The following MYSM1 variants were observed in gnomAD, a reference collection of about 807,000 sequenced individuals.
MYSM1 encodes deubiquitinase MYSM1.
Under a neutral mutation model 116.0 loss-of-function variants are expected in MYSM1, and 51 were observed. That is an observed-to-expected ratio of 0.44 (90% CI 0.35 to 0.56). MYSM1 has a LOEUF of 0.56. Ranked by LOEUF, MYSM1 falls within the 20% of genes least tolerant of loss-of-function variation. The pLI is 0.00. For missense variants in MYSM1, 900 were observed against 974.9 expected (o/e 0.92, Z 1.02); for synonymous variants, 313 against 315.2 (o/e 0.99, Z 0.07).
chr1:58,676,180 AG>A (rs1304720488), intron 9 of MYSM1, among the ~76,000 whole-genome samples: 1 of 152,130 alleles, frequency 6.6e-6, no homozygotes, highest in African/African-American at 2.4e-5. Context: ...GCACTTTAGG[AG>A]GCTGAGGCGG....
At chr1:58,691,008 G>C (rs1433404709) in intron 3 of MYSM1, among the ~76,000 whole-genome samples, 1 of 152,068 alleles carries the variant, frequency 6.6e-6, no homozygotes, top group Non-Finnish European at 1.5e-5. Context: ...GGCCAGGCGC[G>C]GTGGCTCACA....
At chr1:58,665,900 T>TA (rs975876732) in intron 16 of MYSM1, among the ~76,000 whole-genome samples, 12 of 151,886 alleles carry the variant, frequency 7.9e-5, no homozygotes, top group South Asian at 2.1e-4. Flanking sequence ...CTACCAAAAA[T>TA]AAAAAAATTA....
At position 58,657,809 on chromosome 1, in the gene MYSM1, A is replaced by G. The variant is rs916723532; in HGVS notation, c.*2188T>C. On this transcript the variant is annotated 3_prime_UTR_variant, in exon 20 of 20. Coordinates refer to ENST00000472487, the MANE Select transcript of MYSM1 (RefSeq NM_001085487.3). ...AGGCCCCAAACTCTTGACAAGTATC[A>G]TCCTTGAGATCCTCGCAATATGGCT... The G allele has an allele frequency of 6.6e-6, 1 of 152,174 alleles. No homozygotes were observed. The highest frequency in any genetic ancestry group is 1.5e-5 in the Non-Finnish European group (1 of 68,028). 9.4% of individuals were successfully genotyped at this position (152,174 alleles called of 1,614,324 possible).
At chr1:58,672,880 AT>A (rs1157907127) in intron 11 of MYSM1, among the ~76,000 whole-genome samples, 2 of 152,198 alleles carry the variant, frequency 1.3e-5, no homozygotes, top group African/African-American at 4.8e-5. Context: ...GGAAGGATGA[AT>A]TACTAATTAC....
intron 11 of MYSM1, among the ~76,000 whole-genome samples, 187 bp downstream of exon 11, chr1:58,673,386 C>T (rs2100621089): frequency 6.6e-6 from 1 of 152,254 alleles, no homozygotes; most frequent in East Asian, 1.9e-4. Flanking sequence ...AGTTAAACTC[C>T]TAGTTAACTG....
chr1:58,691,965 G>T (rs1366153443), intron 3 of MYSM1, among the ~76,000 whole-genome samples: 5 of 152,168 alleles, frequency 3.3e-5, no homozygotes, highest in African/African-American at 9.6e-5. Flanking sequence ...ATGTTAAAAT[G>T]AGAATATTTT....
rs1644359285 is a variant in MYSM1, at chr1:58,659,259, A to C, written c.*738T>G. On this transcript the variant is annotated 3_prime_UTR_variant, in exon 20 of 20. Coordinates refer to ENST00000472487, the MANE Select transcript of MYSM1 (RefSeq NM_001085487.3). Reference sequence around the variant, plus strand: ...AGTTATGATTACCTATGTTCCAGTTAAATGAGGTTTTATCACACCTACTAA... The same window carrying C: ...AGTTATGATTACCTATGTTCCAGTTCAATGAGGTTTTATCACACCTACTAA... 6.6e-6 allele frequency: 1 copy of C among 152,200 alleles called. No individual in the cohort carries two copies. 9.4% of individuals were successfully genotyped at this position (152,200 alleles called of 1,614,324 possible). A position where few individuals can be genotyped will look rare whatever the true frequency, so the allele number is the denominator to read the frequency against.
At chr1:58,680,556 C>T (rs981941468) in intron 8 of MYSM1, among the ~76,000 whole-genome samples, 3 of 152,174 alleles carry the variant, frequency 2.0e-5, no homozygotes, top group Non-Finnish European at 2.9e-5. Flanking sequence ...TTTAAGAATA[C>T]AGCCATCTTT....
chr1:58,688,793 C>A (rs1644864255), intron 6 of MYSM1, among the ~76,000 whole-genome samples: 1 of 151,954 alleles, frequency 6.6e-6, no homozygotes, highest in African/African-American at 2.4e-5. Context: ...TTTGATAATA[C>A]CACAAGAACG....
chr1:58,690,680 A>AT lies in MYSM1; in HGVS notation c.219-264dup, dbSNP rs35937590. 9.2e-3 allele frequency among the ~76,000 whole-genome samples: 1,263 copies of AT among 137,812 alleles called. 17 individuals are homozygous for AT. The highest frequency in any genetic ancestry group is 0.026 in the African/African-American group (986 of 37,350). 90.4% of individuals were successfully genotyped at this position (137,812 alleles called of 152,430 possible). A position where few individuals can be genotyped will look rare whatever the true frequency, so the allele number is the denominator to read the frequency against. ...TAAAACACCATGAGATTATTTTGTG[A>AT]TTTTTTTTTTTTTTTTTGGCTCATC... On this transcript the variant is annotated intron_variant, in intron 3 of 19. Coordinates refer to ENST00000472487, the MANE Select transcript of MYSM1 (RefSeq NM_001085487.3).
rs1644307146 is a variant in MYSM1, at chr1:58,655,454, C to T, written c.*4543G>A. 1 of 145,986 alleles carries T rather than the reference C, an allele frequency of 6.8e-6. No individual in the cohort carries two copies. The highest frequency in any genetic ancestry group is 2.6e-5 in the African/African-American group (1 of 37,974). The allele number at this position is 145,986 out of a possible 1,614,324, so 9.0% of individuals were successfully genotyped here. ...TTTAGAGCTCTTGGCATAATCACAG[C>T]TCCCCTGGGATATTTTTATTTTTTC... On this transcript the variant is annotated 3_prime_UTR_variant, in exon 20 of 20. Transcript: ENST00000472487.
chr1:58,663,832 CTTAA>C (rs1370217352), intron 17 of MYSM1, among the ~76,000 whole-genome samples: 1 of 152,188 alleles, frequency 6.6e-6, no homozygotes, highest in East Asian at 1.9e-4. Context: ...TCTCCATCAC[CTTAA>C]TTGAGTCGGC....
chr1:58,698,102 A>ATTTTTTTTTTTTTTT lies in MYSM1; in HGVS notation c.68+1868_68+1882dup, dbSNP rs1553140002. Among the ~76,000 whole-genome samples, 20 of 7,768 alleles carry ATTTTTTTTTTTTTTT rather than the reference A, an allele frequency of 2.6e-3. 1 individual carries two copies. Among genetic ancestry groups the ATTTTTTTTTTTTTTT allele is most frequent in the African/African-American group, 4.9e-3 (19 of 3,892 alleles). The allele number at this position is 7,768 out of a possible 152,430, so 5.1% of individuals were successfully genotyped here. A position where few individuals can be genotyped will look rare whatever the true frequency, so the allele number is the denominator to read the frequency against. ...TATCAGACTATATATATATATATATATTTTTTTTTTTTTTTTGAGACAGAG... is the reference window on the plus strand; with the variant it reads ...TATCAGACTATATATATATATATATATTTTTTTTTTTTTTTTTTTTTTTTTTTTTTTGAGACAGAG... On this transcript the variant is annotated intron_variant, in intron 1 of 19. Coordinates refer to ENST00000472487, the MANE Select transcript of MYSM1 (RefSeq NM_001085487.3).
intron 1 of MYSM1, among the ~76,000 whole-genome samples, chr1:58,697,777 C>T (rs1258737690): frequency 6.6e-6 from 1 of 151,038 alleles, no homozygotes; most frequent in Non-Finnish European, 1.5e-5. Flanking sequence ...TTAGTAGAGA[C>T]GGGGTTTCTC....
chr1:58,665,929 T>TG (rs1412478693), intron 16 of MYSM1, among the ~76,000 whole-genome samples: 1 of 152,012 alleles, frequency 6.6e-6, no homozygotes, highest in Non-Finnish European at 1.5e-5. Context: ...TAGTGGCACG[T>TG]GCCTGTAACC....
chr1:58,675,439 G>T, intron 10 of MYSM1, 38 bp downstream of exon 10: 2 of 1,442,298 alleles, frequency 1.4e-6, no homozygotes, highest in Non-Finnish European at 1.9e-6. Context: ...AGAGTAAGCA[G>T]CAATGTGGAG....
chr1:58,672,881 T>G (rs948318211), intron 11 of MYSM1, among the ~76,000 whole-genome samples: 6 of 152,166 alleles, frequency 3.9e-5, no homozygotes, highest in African/African-American at 1.2e-4. Flanking sequence ...GAAGGATGAA[T>G]TACTAATTAC....
chr1:58,669,425 C>T (rs561988375), intron 12 of MYSM1, among the ~76,000 whole-genome samples: 60 of 152,126 alleles, frequency 3.9e-4, no homozygotes, highest in Non-Finnish European at 6.8e-4. Context: ...CTTGTCAGTT[C>T]AATAATGTGC....
intron 8 of MYSM1, among the ~76,000 whole-genome samples, chr1:58,681,552 C>T (rs975334822): frequency 1.3e-5 from 2 of 152,188 alleles, no homozygotes; most frequent in East Asian, 3.9e-4. Context: ...AAGCAATCGT[C>T]TATCCCTTTT....
Sources: gnomAD v4.1 joint callset for allele counts (sites outside exome capture counted in the v4.1 genomes callset) on GRCh38, gnomAD v4.1.1 for gene constraint, MANE v1.5 for transcripts, NCBI Gene and HGNC (gene_info 2026-07-23, HGNC 2026-07-21) for gene names.